Variants in SETD1B observed in about 807,000 individuals in gnomAD.
The protein encoded by SETD1B is SET domain containing 1B, histone lysine methyltransferase.
Under a neutral mutation model 148.0 loss-of-function variants are expected in SETD1B, and 7 were observed. That is an observed-to-expected ratio of 0.05 (90% CI 0.03 to 0.09). SETD1B has a LOEUF of 0.09. SETD1B is among the 10% of genes least tolerant of loss of function. The pLI is 1.00. For synonymous variants in SETD1B, 1,361 were observed against 1,186.5 expected, an observed-to-expected ratio of 1.15 and a Z score of -3.02; for missense variants, 2,155 against 2,729.9, an observed-to-expected ratio of 0.79 and a Z score of 4.69.
chr12:121,805,382 G>C lies in SETD1B; in HGVS notation c.273+166G>C, dbSNP rs907411294. Among the ~76,000 whole-genome samples the C allele has an allele frequency of 6.6e-6, 1 of 152,142 alleles. No individual in the cohort carries two copies. Among genetic ancestry groups the C allele is most frequent in the Non-Finnish European group, 1.5e-5 (1 of 68,020 alleles). On this transcript the variant is annotated intron_variant, in intron 3 of 16. Coordinates refer to ENST00000604567, the MANE Select transcript of SETD1B (RefSeq NM_001353345.2). This position sits in a 1 kb window ranked among gnomAD's most constrained non-coding sequence, Gnocchi z 4.2. ...GCTGGCGAGAGGGTGTCCCCTCTCA[G>C]CTACTGAAAACAAAATAACACTGGG...
the SETD1B span, among the ~76,000 whole-genome samples, chr12:121,790,255 C>CCCTG: frequency 6.6e-6 from 1 of 152,270 alleles, no homozygotes; most frequent in South Asian, 2.1e-4. Flanking sequence ...TGAGAGCCAC[C>CCCTG]CCTGTCTCAC....
At chr12:121,813,801 G>A (rs1876152347) in intron 6 of SETD1B, among the ~76,000 whole-genome samples, 1 of 152,154 alleles carries the variant, frequency 6.6e-6, no homozygotes, top group African/African-American at 2.4e-5. Flanking sequence ...CGCTCCACAA[G>A]AGTAAGATGT....
At chr12:121,811,716 C>T (rs1192336158) in intron 6 of SETD1B, among the ~76,000 whole-genome samples, 4 of 152,126 alleles carry the variant, frequency 2.6e-5, no homozygotes, top group African/African-American at 7.2e-5. Context: ...TCCCTGTGGG[C>T]GGAGGGGAGG....
At chr12:121,829,615 G>C (rs1262396298) in intron 16 of SETD1B, among the ~76,000 whole-genome samples, 1 of 152,210 alleles carries the variant, frequency 6.6e-6, no homozygotes, top group East Asian at 1.9e-4. Flanking sequence ...TGGCTTGGTG[G>C]CTCAGATGAT....
chr12:121,822,166 A>G (rs1164500137), intron 11 of SETD1B, among the ~76,000 whole-genome samples: 1 of 152,270 alleles, frequency 6.6e-6, no homozygotes, highest in Non-Finnish European at 1.5e-5. Flanking sequence ...CAAGTCCTGC[A>G]GAAAAGAGAC....
At chr12:121,809,444 C>CT (rs1875906513) in intron 5 of SETD1B, among the ~76,000 whole-genome samples, 159 bp from the exon 6 acceptor site, 1 of 152,194 alleles carries the variant, frequency 6.6e-6, no homozygotes, top group African/African-American at 2.4e-5. Context: ...TTAGTACCAT[C>CT]CTGACACTCC....
At chr12:121,797,477 G>A in the SETD1B span, 6 of 456,514 alleles carry the variant, frequency 1.3e-5, no homozygotes, top group South Asian at 9.3e-5. Context: ...ATGGTGGGGG[G>A]ACAAAGAAAG....
chr12:121,805,059 T>A lies in SETD1B; in HGVS notation c.175-59T>A. 6.6e-7 allele frequency: 1 copy of A among 1,514,538 alleles called. No homozygotes were observed. Among genetic ancestry groups the A allele is most frequent in the Non-Finnish European group, 9.0e-7 (1 of 1,115,918 alleles). The allele number at this position is 1,514,538 out of a possible 1,614,324, so 93.8% of individuals were successfully genotyped here. ...TTTGACAAGTGCCTCGAGAAAGGGG[T>A]CTGCCCATGGGGAGGGGGACCAGTT... On this transcript the variant is annotated intron_variant, in intron 2 of 16. Transcript: ENST00000604567. The surrounding 1 kb of genome is among the most constrained non-coding windows in gnomAD (Gnocchi z 4.2).
Position 121,804,784 on chromosome 12 carries a change from C to G in SETD1B, c.47C>G (p.Pro16Arg). ...PPHHHHQQPP[P>R]QPGPSGERRN... Reference sequence around the variant, plus strand: ...CACCACCACCACCAGCAGCCCCCGCCGCAGCCCGGCCCTTCGGGCGAGAGG... The same window carrying G: ...CACCACCACCACCAGCAGCCCCCGCGGCAGCCCGGCCCTTCGGGCGAGAGG... The change falls in exon 2 of 17, where the codon CCG (proline) becomes CGG (arginine). Residue 16 changes from proline (P) to arginine (R), a missense_variant. Coordinates refer to ENST00000604567, the MANE Select transcript of SETD1B (RefSeq NM_001353345.2). This position sits in a 1 kb window ranked among gnomAD's most constrained non-coding sequence, Gnocchi z 4.6. 1.9e-6 allele frequency: 3 copies of G among 1,550,950 alleles called. No individual in the cohort carries two copies. The highest frequency in any genetic ancestry group is 2.6e-6 in the Non-Finnish European group (3 of 1,146,794).
At chr12:121,814,031 G>A (rs1592980380) in intron 6 of SETD1B, 75 bp from the exon 7 acceptor site, 1 of 1,235,472 alleles carries the variant, frequency 8.1e-7, no homozygotes, top group Non-Finnish European at 1.1e-6. Flanking sequence ...CTGATTGCTA[G>A]TCTTGCAGAG....
At position 121,814,110 on chromosome 12, in the gene SETD1B, A is replaced by G; in HGVS notation, c.1895A>G (p.Gln632Arg). ...TPTSEKMDEGQQSSGEDMEIS... is the reference protein window; with the variant it reads ...TPTSEKMDEGRQSSGEDMEIS... ...CTCTCCCTGCTCTCTCTGCAGGGCCAGCAGTCCTCAGGCGAGGACATGGAG... is the reference window on the plus strand; with the variant it reads ...CTCTCCCTGCTCTCTCTGCAGGGCCGGCAGTCCTCAGGCGAGGACATGGAG... Residue 632 changes from glutamine to arginine, a missense_variant, in exon 7 of 17, where the codon CAG becomes CGG. Around this residue, in one of 11 missense-constraint regions of SETD1B, gnomAD observed 295 missense variants for 303.8 expected, o/e 0.97. Coordinates refer to ENST00000604567, the MANE Select transcript of SETD1B (RefSeq NM_001353345.2). 1.9e-6 allele frequency: 3 copies of G among 1,547,442 alleles called. No homozygotes were observed. The highest frequency in any genetic ancestry group is 2.6e-6 in the Non-Finnish European group (3 of 1,146,128).
Position 121,804,983 on chromosome 12 carries a change from C to A in SETD1B, c.174+72C>A. The A allele has an allele frequency of 6.9e-7, 1 of 1,459,610 alleles. No individual in the cohort carries two copies. Among genetic ancestry groups the A allele is most frequent in the Non-Finnish European group, 9.2e-7 (1 of 1,090,006 alleles). 90.4% of individuals were successfully genotyped at this position (1,459,610 alleles called of 1,614,324 possible). A position where few individuals can be genotyped will look rare whatever the true frequency, so the allele number is the denominator to read the frequency against. ...GGGAGACGCGCCTAGCGGCCAGGGA[C>A]CCCCCGCCCGATCCCCCGGCCAACT... On this transcript the variant is annotated intron_variant, in intron 2 of 16. Transcript: ENST00000604567. This position sits in a 1 kb window ranked among gnomAD's most constrained non-coding sequence, Gnocchi z 4.6.
chr12:121,817,455 G>A lies in SETD1B; in HGVS notation c.3063G>A (p.Arg1021=). The A allele has an allele frequency of 1.3e-6, 2 of 1,547,756 alleles. No homozygotes were observed. Among genetic ancestry groups the A allele is most frequent in the Non-Finnish European group, 1.7e-6 (2 of 1,144,256 alleles). The stretch of plus-strand genomic sequence containing the variant: ...ACCCCAAGGGCGTGGGTGTGCGGCG[G>A]CGGCCGGCGCGGCCTCTGGAGCTGG... ...KRDPKGVGVR[R]RPARPLELDS... The change falls in exon 9 of 17, where the codon CGG becomes CGA. Residue 1021 remains arginine, a synonymous_variant. Transcript: ENST00000604567. The surrounding 1 kb of genome is among the most constrained non-coding windows in gnomAD (Gnocchi z 8.1).
the SETD1B span, among the ~76,000 whole-genome samples, chr12:121,796,740 A>C: frequency 6.6e-6 from 1 of 152,250 alleles, no homozygotes; most frequent in East Asian, 1.9e-4. Flanking sequence ...ACTCAGCAAC[A>C]GCTCAAAACA....
At chr12:121,793,722 C>T in the SETD1B span, 1 of 1,242,968 alleles carries the variant, frequency 8.0e-7, no homozygotes, top group South Asian at 1.7e-5. Context: ...ACCAGCCCCG[C>T]CCACTCGGAG....
chr12:121,805,735 T>A lies in SETD1B; in HGVS notation c.274-100T>A, dbSNP rs1875710729. The A allele has an allele frequency of 1.6e-6, 2 of 1,236,740 alleles. No homozygotes were observed. Among genetic ancestry groups the A allele is most frequent in the Non-Finnish European group, 2.2e-6 (2 of 911,680 alleles). 76.6% of individuals were successfully genotyped at this position (1,236,740 alleles called of 1,614,324 possible). ...TTTAGTTTTTTTACCCTTTATTGTT[T>A]TCAACGGGTGGGCGAGTTGCGGGCG... On this transcript the variant is annotated intron_variant, in intron 3 of 16. Transcript: ENST00000604567. This position sits in a 1 kb window ranked among gnomAD's most constrained non-coding sequence, Gnocchi z 4.2.
rs1332956295 is a variant in SETD1B at position 121,809,778 on chromosome 12, G to A, written c.833G>A (p.Arg278His). The change falls in exon 6 of 17, where the codon CGC (arginine) becomes CAC (histidine). Residue 278 changes from arginine (R) to histidine (H), a missense_variant. By Grantham distance (29) the Arg-to-His change is conservative. Transcript: ENST00000604567. Reference protein sequence around the residue: ...SYGQGTPLTPRLGTPFSQDSS... With the variant: ...SYGQGTPLTPHLGTPFSQDSS... ...GGACAGGGCACCCCGCTCACACCGC[G>A]CCTGGGCACCCCTTTCTCACAGGAC... The A allele has an allele frequency of 1.9e-6, 3 of 1,551,310 alleles. No individual in the cohort carries two copies. Among genetic ancestry groups the A allele is most frequent in the African/African-American group, 2.7e-5 (2 of 73,002 alleles).
intron 5 of SETD1B, 111 bp from the exon 6 acceptor site, chr12:121,809,492 T>C: frequency 8.4e-7 from 1 of 1,184,644 alleles, no homozygotes; most frequent in South Asian, 1.6e-5. Context: ...TATGCTGCAG[T>C]TCTAGAGCAG....
chr12:121,823,100 C>A lies in SETD1B; in HGVS notation c.4521C>A (p.Pro1507=). ...CGCTGCCACCCCTGCTGCCCGCCCC[C>A]CTGGCCTCTTGCCCTCCCCCAATGA... ...PTPLPPLLPA[P]LASCPPPMKR... is the part of the protein sequence containing the mutation. The change falls in exon 12 of 17, where the codon CCC becomes CCA. Residue 1507 remains proline (P), a synonymous_variant. Coordinates refer to ENST00000604567, the MANE Select transcript of SETD1B (RefSeq NM_001353345.2). The A allele has an allele frequency of 6.5e-7, 1 of 1,528,644 alleles. No homozygotes were observed. The highest frequency in any genetic ancestry group is 8.8e-7 in the Non-Finnish European group (1 of 1,141,220). The allele number at this position is 1,528,644 out of a possible 1,614,324, so 94.7% of individuals were successfully genotyped here.
Sources: gnomAD v4.1 joint callset for allele counts (sites outside exome capture counted in the v4.1 genomes callset) on GRCh38, gnomAD v4.1.1 for gene constraint, gnomAD v4.1.1 regional missense constraint, Gnocchi (gnomAD v3.1) non-coding constraint, MANE v1.5 for transcripts, NCBI Gene and HGNC (gene_info 2026-07-23, HGNC 2026-07-21) for gene names.